The following WWOX variants were observed in gnomAD, a reference collection of about 807,000 sequenced individuals.
WWOX encodes the protein WW domain containing oxidoreductase.
In WWOX, 69 loss-of-function variants were observed where a neutral mutation model predicts 46.2. That is an observed-to-expected ratio of 1.49 (90% confidence interval 1.23 to 1.82). The LOEUF (loss-of-function observed/expected upper bound fraction) is 1.82, where lower values mean the gene tolerates loss of function less well. Among genes scored for constraint, WWOX ranks in the 40% most tolerant of loss-of-function variants. The pLI is 0.00. For missense variants in WWOX, 919 were observed against 542.6 expected (o/e 1.69, Z -6.89); for synonymous variants, 359 against 202.6 (o/e 1.77, Z -6.56).
Position 78,121,500 on chromosome 16 carries a change from A to G in WWOX, c.409+6346A>G, listed in dbSNP as rs536026463. ...CGTGATCAAAGTATTTGAGAAGTAA[A>G]TATCTAAAGGAAGAGACCAATTTAA... On this transcript the variant is annotated intron_variant, in intron 4 of 8. Transcript: ENST00000566780. 1.5e-3 allele frequency among the ~76,000 whole-genome samples: 229 copies of G among 152,338 alleles called. 3 individuals carry two copies. The highest frequency in any genetic ancestry group is 5.4e-3 in the African/African-American group (224 of 41,574).
chr16:78,134,411 T>C (rs556419004), intron 4 of WWOX, among the ~76,000 whole-genome samples: 3 of 152,332 alleles, frequency 2.0e-5, no homozygotes, highest in East Asian at 3.9e-4. Context: ...GTAAGTCTTT[T>C]TGGGAACCGT....
chr16:78,667,527 C>T (rs1415501040), intron 8 of WWOX, among the ~76,000 whole-genome samples: 1 of 151,768 alleles, frequency 6.6e-6, no homozygotes, highest in East Asian at 1.9e-4. Flanking sequence ...AAAAATTAGC[C>T]AGGCGTGGTG....
chr16:79,046,763 G>C (rs1252297683), intron 8 of WWOX, among the ~76,000 whole-genome samples: 3 of 152,070 alleles, frequency 2.0e-5, no homozygotes, highest in African/African-American at 7.2e-5. Context: ...TCCAGGGCTG[G>C]GTGTGTGTGG....
chr16:78,550,097 G>A (rs997562689), intron 8 of WWOX, among the ~76,000 whole-genome samples: 1 of 152,160 alleles, frequency 6.6e-6, no homozygotes, highest in Non-Finnish European at 1.5e-5. Context: ...AAAAAGAGTG[G>A]CTGTGAATCT....
At chr16:78,154,164 C>T (rs548017199) in intron 4 of WWOX, among the ~76,000 whole-genome samples, 4 of 152,156 alleles carry the variant, frequency 2.6e-5, no homozygotes, top group Non-Finnish European at 4.4e-5. Flanking sequence ...TTAGGCAGTC[C>T]CTGGCTTTGT....
At chr16:78,303,210 T>C (rs2080073240) in intron 5 of WWOX, among the ~76,000 whole-genome samples, 1 of 152,198 alleles carries the variant, frequency 6.6e-6, no homozygotes, top group African/African-American at 2.4e-5. Flanking sequence ...CTATCTCTAA[T>C]TTATGTTACT....
chr16:78,616,796 G>A (rs2046036103), intron 8 of WWOX, among the ~76,000 whole-genome samples: 1 of 151,752 alleles, frequency 6.6e-6, no homozygotes, highest in African/African-American at 2.4e-5. Flanking sequence ...TAAATAAAAG[G>A]GCACTAACCC....
chr16:78,280,746 T>A (rs1283949422), intron 5 of WWOX: 1 of 152,228 alleles, frequency 6.6e-6, no homozygotes, highest in Non-Finnish European at 1.5e-5. Flanking sequence ...CATTTAATTT[T>A]ACATAAACAT....
At chr16:79,126,541 C>T (rs967169416) in intron 8 of WWOX, among the ~76,000 whole-genome samples, 1 of 152,062 alleles carries the variant, frequency 6.6e-6, no homozygotes, top group Non-Finnish European at 1.5e-5. Context: ...TTCTTGCTTC[C>T]CCTTCGTCTT....
intron 8 of WWOX, among the ~76,000 whole-genome samples, chr16:78,437,490 A>G (rs569949742): frequency 3.9e-5 from 6 of 152,204 alleles, no homozygotes; most frequent in Non-Finnish European, 7.3e-5. Flanking sequence ...GCTGCCTGCA[A>G]TATAATAATC....
chr16:78,647,167 C>A (rs925341488), intron 8 of WWOX, among the ~76,000 whole-genome samples: 6 of 152,284 alleles, frequency 3.9e-5, no homozygotes, highest in Non-Finnish European at 7.4e-5. Flanking sequence ...ATCCTTGAAT[C>A]AGCCTCTGGG....
intron 8 of WWOX, among the ~76,000 whole-genome samples, chr16:79,200,443 T>G (rs536721596): frequency 1.6e-4 from 24 of 152,158 alleles, no homozygotes; most frequent in Non-Finnish European, 2.9e-4. Flanking sequence ...AGACCTCAGT[T>G]TGAATCTGAG....
intron 8 of WWOX, among the ~76,000 whole-genome samples, chr16:79,137,404 T>C (rs1262083383): frequency 1.3e-5 from 2 of 152,210 alleles, no homozygotes; most frequent in African/African-American, 4.8e-5. Context: ...TCACAGCTGA[T>C]AACTTGGAGA....
chr16:78,478,738 G>A (rs978774733), intron 8 of WWOX, among the ~76,000 whole-genome samples: 1 of 152,214 alleles, frequency 6.6e-6, no homozygotes, highest in African/African-American at 2.4e-5. Flanking sequence ...TTATGAATAT[G>A]CATACAGTAT....
intron 8 of WWOX, among the ~76,000 whole-genome samples, chr16:78,576,050 G>C (rs990905366): frequency 6.6e-6 from 1 of 151,912 alleles, no homozygotes; most frequent in Admixed American, 6.6e-5. Flanking sequence ...AGAATATATG[G>C]AAATCTTTTC....
intron 6 of WWOX, among the ~76,000 whole-genome samples, chr16:78,423,390 G>C (rs138484179): frequency 6.6e-6 from 1 of 152,034 alleles, no homozygotes; most frequent in Non-Finnish European, 1.5e-5. Context: ...TTCCTCAATG[G>C]TATATTTAGT....
chr16:78,822,206 A>G (rs1270293297), intron 8 of WWOX, among the ~76,000 whole-genome samples: 2 of 152,052 alleles, frequency 1.3e-5, no homozygotes, highest in Non-Finnish European at 2.9e-5. Context: ...CAAAAAATCT[A>G]CGTGAGGCCA....
At chr16:79,199,780 A>G (rs914283678) in intron 8 of WWOX, among the ~76,000 whole-genome samples, 1 of 152,206 alleles carries the variant, frequency 6.6e-6, no homozygotes. Flanking sequence ...GGTCAGCTAC[A>G]CAACTGGCTT....
intron 8 of WWOX, among the ~76,000 whole-genome samples, chr16:78,951,234 A>C (rs939926774): frequency 2.0e-5 from 3 of 152,204 alleles, no homozygotes; most frequent in Admixed American, 6.5e-5. Flanking sequence ...TGCATCTCTC[A>C]GCTGTACTTC....
Sources: gnomAD v4.1 joint callset for allele counts (sites outside exome capture counted in the v4.1 genomes callset) on GRCh38, gnomAD v4.1.1 for gene constraint, MANE v1.5 for transcripts, NCBI Gene and HGNC (gene_info 2026-07-23, HGNC 2026-07-21) for gene names.